TP53BP2: variants seen among roughly 807,000 people sequenced by gnomAD.
The protein encoded by TP53BP2 is tumor protein p53 binding protein 2, also known as apoptosis-stimulating of p53 protein 2.
A neutral mutation model predicts 126.2 loss-of-function variants in TP53BP2; 62 were observed. The observed-to-expected ratio is 0.49, with a 90% CI of 0.40 to 0.61. The LOEUF (loss-of-function observed/expected upper bound fraction) is 0.61, where lower values mean the gene tolerates loss of function less well. Among genes scored for constraint, TP53BP2 ranks in the 20% least tolerant of loss-of-function variants. The probability of loss-of-function intolerance (pLI) is 0.00; values close to 1 mark genes in which losing one functional copy is unlikely to be tolerated. For missense variants in TP53BP2, 1,215 were observed against 1,402.8 expected (o/e 0.87, Z 2.14); for synonymous variants, 485 against 502.9 (o/e 0.96, Z 0.48).
intron 15 of TP53BP2, among the ~76,000 whole-genome samples, chr1:223,791,573 G>GT (rs1662158277): frequency 6.6e-6 from 1 of 152,204 alleles, no homozygotes; most frequent in Non-Finnish European, 1.5e-5. Flanking sequence ...TAACTGAAAT[G>GT]TATGTATGTG....
intron 1 of TP53BP2, among the ~76,000 whole-genome samples, chr1:223,826,758 T>TA (rs926308586): frequency 4.1e-4 from 63 of 152,014 alleles, no homozygotes; most frequent in African/African-American, 1.4e-3. Flanking sequence ...TTTATGCCCT[T>TA]AAAAAAAATC....
intron 1 of TP53BP2, among the ~76,000 whole-genome samples, chr1:223,823,480 G>A (rs1281517050): frequency 6.6e-6 from 1 of 152,114 alleles, no homozygotes; most frequent in Non-Finnish European, 1.5e-5. Flanking sequence ...TTAAAATAGT[G>A]AACACTGTTG....
Position 223,802,320 on chromosome 1 carries a change from G to C in TP53BP2, c.1021C>G (p.Gln341Glu), listed in dbSNP as rs781626070. The change falls in exon 9 of 18, where the codon CAG becomes GAG. Residue 341 changes from glutamine (Q) to glutamate (E), a missense_variant. Physicochemically the swap from Gln to Glu is conservative, Grantham distance 29 (BLOSUM62 2). Transcript: ENST00000343537. Reference sequence around the variant, plus strand: ...CGGCTTGGGGCTGACGCGGCTTGCTGGGGAAGATTTCCATCAGATGAAACC... The same window carrying C: ...CGGCTTGGGGCTGACGCGGCTTGCTCGGGAAGATTTCCATCAGATGAAACC... Reference protein sequence around the residue: ...LPVSSDGNLPQQAASAPSRVA... With the variant: ...LPVSSDGNLPEQAASAPSRVA... The C allele has an allele frequency of 2.5e-6, 4 of 1,614,116 alleles. No homozygotes were observed. The highest frequency in any genetic ancestry group is 8.5e-7 in the Non-Finnish European group (1 of 1,180,016).
rs1161943808 is a variant in TP53BP2 at position 223,845,732 on chromosome 1, G to C, written c.-52C>G. On this transcript the variant is annotated 5_prime_UTR_variant, in exon 1 of 18. Coordinates refer to ENST00000343537, the MANE Select transcript of TP53BP2 (RefSeq NM_001031685.3). ...CGGCCGAGCTGAGGTGCCCCGGAGG[G>C]TCGCGGATGCGGGGGAGGGGAGCGG... is the stretch of plus-strand genomic sequence containing the variant. 7 of 1,478,608 alleles carry C rather than the reference G, an allele frequency of 4.7e-6. No individual in the cohort carries two copies. The highest frequency in any genetic ancestry group is 5.4e-6 in the Non-Finnish European group (6 of 1,115,856). The allele number at this position is 1,478,608 out of a possible 1,614,324, so 91.6% of individuals were successfully genotyped here. A position where few individuals can be genotyped will look rare whatever the true frequency, so the allele number is the denominator to read the frequency against.
chr1:223,826,290 G>A (rs1366293324), intron 1 of TP53BP2, among the ~76,000 whole-genome samples: 1 of 152,156 alleles, frequency 6.6e-6, no homozygotes, highest in East Asian at 1.9e-4. Flanking sequence ...ACAGAGGGTC[G>A]TTATTAAACA....
intron 1 of TP53BP2, among the ~76,000 whole-genome samples, chr1:223,830,819 C>T (rs1037772548): frequency 6.6e-6 from 1 of 152,162 alleles, no homozygotes. Flanking sequence ...GTACCATCGG[C>T]CGGGCACAGT....
intron 1 of TP53BP2, among the ~76,000 whole-genome samples, chr1:223,831,477 AAAAATATATATATATATAT>A (rs1385286619): frequency 5.0e-4 from 21 of 42,006 alleles, no homozygotes; most frequent in Admixed American, 1.7e-3. Flanking sequence ...AAAAAAAAAA[AAAAATATATATATATATAT>A]ATATATATAT....
intron 13 of TP53BP2, among the ~76,000 whole-genome samples, chr1:223,794,031 C>T (rs1436426302): frequency 6.6e-6 from 1 of 152,110 alleles, no homozygotes; most frequent in Non-Finnish European, 1.5e-5. Flanking sequence ...CCATCTTAAC[C>T]ATTTCACACC....
chr1:223,834,256 A>C (rs1663844392), intron 1 of TP53BP2, among the ~76,000 whole-genome samples: 1 of 152,220 alleles, frequency 6.6e-6, no homozygotes, highest in Admixed American at 6.5e-5. Flanking sequence ...CAGCATAAGC[A>C]TCACCTGGGA....
At chr1:223,803,148 C>T in intron 7 of TP53BP2, 123 bp downstream of exon 7, 2 of 1,238,912 alleles carry the variant, frequency 1.6e-6, no homozygotes, top group Non-Finnish European at 2.2e-6. Context: ...TTTGGGTTCC[C>T]CCCACAACCT....
intron 15 of TP53BP2, among the ~76,000 whole-genome samples, chr1:223,789,645 G>C (rs1374590108): frequency 6.6e-6 from 1 of 152,020 alleles, no homozygotes; most frequent in Non-Finnish European, 1.5e-5. Context: ...TTGCATAGAT[G>C]AACTACTTTT....
At chr1:223,804,723 T>C (rs957657669) in intron 5 of TP53BP2, among the ~76,000 whole-genome samples, 1 of 152,146 alleles carries the variant, frequency 6.6e-6, no homozygotes, top group Admixed American at 6.5e-5. Context: ...AGATTTGGAG[T>C]ACATTTAGAT....
chr1:223,836,024 G>T (rs1663910501), intron 1 of TP53BP2, among the ~76,000 whole-genome samples: 1 of 152,138 alleles, frequency 6.6e-6, no homozygotes, highest in African/African-American at 2.4e-5. Flanking sequence ...CATCTAGGGA[G>T]AGAAACACTG....
intron 1 of TP53BP2, among the ~76,000 whole-genome samples, chr1:223,831,482 T>TATATAC (rs1663726684): frequency 1.3e-4 from 2 of 15,176 alleles, no homozygotes; most frequent in East Asian, 1.9e-3. Context: ...AAAAAAAAAA[T>TATATAC]ATATATATAT....
At chr1:223,829,987 TCAATAAA>T (rs1663641099) in intron 1 of TP53BP2, among the ~76,000 whole-genome samples, 3 of 152,082 alleles carry the variant, frequency 2.0e-5, no homozygotes, top group South Asian at 4.1e-4. Context: ...AAGACATTCA[TCAATAAA>T]CAATAAACTC....
chr1:223,800,793 C>A lies in TP53BP2; in HGVS notation c.1243G>T (p.Val415Phe), dbSNP rs1662503491. The change falls in exon 10 of 18, where the codon GTT becomes TTT. Residue 415 changes from valine to phenylalanine, a missense_variant. By Grantham distance (50) the Val-to-Phe change is conservative. Transcript: ENST00000343537. ...TTTGAAGGACTCCAATCAGGGCCAA[C>A]TGGATGGATTTTAGAGCCTAAAATA... ...SQTKGSKIHP[V>F]GPDWSPSNAD... 6.2e-7 allele frequency: 1 copy of A among 1,606,562 alleles called. No homozygotes were observed. Among genetic ancestry groups the A allele is most frequent in the Non-Finnish European group, 8.5e-7 (1 of 1,178,122 alleles).
At chr1:223,787,606 G>A (rs1402404989) in intron 16 of TP53BP2, among the ~76,000 whole-genome samples, 2 of 152,042 alleles carry the variant, frequency 1.3e-5, no homozygotes, top group Non-Finnish European at 2.9e-5. Flanking sequence ...GTCAGGCATG[G>A]TGGCTCACAC....
intron 1 of TP53BP2, among the ~76,000 whole-genome samples, chr1:223,828,064 T>C (rs1663563531): frequency 6.6e-6 from 1 of 152,212 alleles, no homozygotes; most frequent in Admixed American, 6.5e-5. Flanking sequence ...AATTTTAGGC[T>C]ACTCTATCAA....
intron 17 of TP53BP2, among the ~76,000 whole-genome samples, chr1:223,782,261 T>C (rs61824006): frequency 0.14 from 21,385 of 152,180 alleles, 2,024 homozygotes; most frequent in Middle Eastern, 0.21. Context: ...TTTTTGCCAA[T>C]TTAAAAAAAG....
Sources: allele counts gnomAD v4.1 joint callset (sites outside exome capture counted in the v4.1 genomes callset), GRCh38; gene constraint gnomAD v4.1.1; transcripts MANE v1.5; gene names NCBI Gene and HGNC (gene_info 2026-07-23, HGNC 2026-07-21).